SCRG1: variants seen among roughly 807,000 people sequenced by gnomAD.
SCRG1 encodes stimulator of chondrogenesis 1, also known as scrapie-responsive protein 1.
In SCRG1, 3 loss-of-function variants were observed where a neutral mutation model predicts 7.7. The ratio of observed to expected loss-of-function variants is 0.39; its 90% CI spans 0.18 to 1.01. The LOEUF (loss-of-function observed/expected upper bound fraction) is 1.01. Among genes scored for constraint, SCRG1 ranks in the 50% least tolerant of loss-of-function variants. The pLI, the probability that SCRG1 is intolerant of heterozygous loss-of-function variation, is 0.36. For synonymous variants in SCRG1, 46 were observed against 41.2 expected (o/e 1.12, Z -0.44); for missense variants, 110 against 117.2 (o/e 0.94, Z 0.28).
chr4:173,483,773 TATG>T, the SCRG1 span, among the ~76,000 whole-genome samples: 20 of 49,022 alleles, frequency 4.1e-4, 10 homozygotes, highest in East Asian at 4.0e-3. Context: ...ATATATGATA[TATG>T]ATATATCATA....
the SCRG1 span, among the ~76,000 whole-genome samples, chr4:173,455,355 G>A: frequency 1.6e-3 from 243 of 152,182 alleles, 5 homozygotes; most frequent in East Asian, 0.025. Flanking sequence ...GCTTTCCAGC[G>A]GGGACTAAAC....
At chr4:173,408,991 C>CAAAAAAA (rs991902394), upstream of SCRG1, among the ~76,000 whole-genome samples, 3 of 51,254 alleles carry the variant, frequency 5.9e-5, no homozygotes, top group Admixed American at 2.0e-4. Context: ...GACTCAGTCT[C>CAAAAAAA]AAAAAAAAAA....
chr4:173,485,037 T>TATATAATATATA, the SCRG1 span, among the ~76,000 whole-genome samples: 5 of 22,222 alleles, frequency 2.3e-4, no homozygotes, highest in Non-Finnish European at 3.4e-4. Context: ...TATTATATAT[T>TATATAATATATA]ATATATTATA....
the SCRG1 span, among the ~76,000 whole-genome samples, chr4:173,434,445 G>A: frequency 6.6e-6 from 1 of 152,174 alleles, no homozygotes; most frequent in South Asian, 2.1e-4. Context: ...GAGATCGTGT[G>A]ACTTGGTAAA....
chr4:173,444,641 C>T, the SCRG1 span, among the ~76,000 whole-genome samples: 5 of 152,334 alleles, frequency 3.3e-5, no homozygotes, highest in East Asian at 9.6e-4. Context: ...GTCAAAATGG[C>T]ACGTGCATGT....
intron 1 of SCRG1, among the ~76,000 whole-genome samples, chr4:173,394,035 C>T (rs999622216): frequency 2.0e-5 from 3 of 151,900 alleles, no homozygotes; most frequent in African/African-American, 4.8e-5. Context: ...TTGTAGAAAT[C>T]ATATAGTTAT....
chr4:173,501,617 C>T, the SCRG1 span, among the ~76,000 whole-genome samples: 7 of 152,122 alleles, frequency 4.6e-5, no homozygotes, highest in South Asian at 1.5e-3. The surrounding 1 kb of genome is among the most constrained non-coding windows in gnomAD (Gnocchi z 5.1). Context: ...CGGGCTCTCC[C>T]TGACCCTAGA....
At chr4:173,485,329 G>T in the SCRG1 span, among the ~76,000 whole-genome samples, 4 of 147,866 alleles carry the variant, frequency 2.7e-5, no homozygotes, top group Non-Finnish European at 5.9e-5. Flanking sequence ...AAGTGAATTA[G>T]TCACTACCAA....
the SCRG1 span, among the ~76,000 whole-genome samples, chr4:173,466,966 A>G: frequency 6.6e-6 from 1 of 152,062 alleles, no homozygotes; most frequent in African/African-American, 2.4e-5. Context: ...GCTATCAACT[A>G]ATTTCTCTAG....
the SCRG1 span, among the ~76,000 whole-genome samples, chr4:173,423,381 A>G: frequency 6.6e-6 from 1 of 152,186 alleles, no homozygotes; most frequent in Admixed American, 6.5e-5. Flanking sequence ...TTGGACCTAT[A>G]GATATTTTTA....
chr4:173,461,220 C>G, the SCRG1 span, among the ~76,000 whole-genome samples: 2 of 152,234 alleles, frequency 1.3e-5, no homozygotes, highest in Non-Finnish European at 2.9e-5. Context: ...GGGCCTTGAG[C>G]AAACATAGAC....
At chr4:173,481,087 T>C in the SCRG1 span, among the ~76,000 whole-genome samples, 3 of 152,124 alleles carry the variant, frequency 2.0e-5, no homozygotes, top group African/African-American at 7.2e-5. Context: ...TAAAATAACA[T>C]ACTGATAATT....
the SCRG1 span, among the ~76,000 whole-genome samples, chr4:173,495,547 T>C: frequency 6.6e-6 from 1 of 152,246 alleles, no homozygotes; most frequent in African/African-American, 2.4e-5. Flanking sequence ...TTGCATTTAT[T>C]ATAAGAATGA....
At chr4:173,496,383 A>G in the SCRG1 span, among the ~76,000 whole-genome samples, 7 of 152,284 alleles carry the variant, frequency 4.6e-5, no homozygotes, top group Admixed American at 2.0e-4. Context: ...TACAGTTGCT[A>G]GGTTATTAGC....
chr4:173,428,353 A>G, the SCRG1 span, among the ~76,000 whole-genome samples: 3 of 152,240 alleles, frequency 2.0e-5, no homozygotes, highest in African/African-American at 7.2e-5. Context: ...CTGGAGTAAC[A>G]GTTTGAAGCC....
intron 1 of SCRG1, among the ~76,000 whole-genome samples, chr4:173,397,309 T>A (rs756595783): frequency 1.3e-5 from 2 of 152,164 alleles, no homozygotes; most frequent in African/African-American, 4.8e-5. Flanking sequence ...TTTGGCCAAT[T>A]TGAAGAAAAT....
chr4:173,504,921 T>C, the SCRG1 span, among the ~76,000 whole-genome samples: 1 of 152,192 alleles, frequency 6.6e-6, no homozygotes, highest in Non-Finnish European at 1.5e-5. The surrounding 1 kb of genome is among the most constrained non-coding windows in gnomAD (Gnocchi z 4.7). Context: ...GAGAAATGCA[T>C]GAATGCAGTG....
the SCRG1 span, among the ~76,000 whole-genome samples, chr4:173,450,254 C>T: frequency 4.6e-5 from 7 of 152,232 alleles, no homozygotes; most frequent in Admixed American, 2.6e-4. Flanking sequence ...TGAGGGAAAC[C>T]GCCCCCATGA....
the SCRG1 span, among the ~76,000 whole-genome samples, chr4:173,452,095 T>G: frequency 6.6e-6 from 1 of 152,078 alleles, no homozygotes; most frequent in Admixed American, 6.6e-5. Context: ...CTTCATGACA[T>G]GAGACACAAT....
Sources: gnomAD v4.1 joint callset for allele counts (sites outside exome capture counted in the v4.1 genomes callset) on GRCh38, gnomAD v4.1.1 for gene constraint, Gnocchi (gnomAD v3.1) non-coding constraint, MANE v1.5 for transcripts, NCBI Gene and HGNC (gene_info 2026-07-23, HGNC 2026-07-21) for gene names.